The following TIGD7 variants were observed in gnomAD, a reference collection of about 807,000 sequenced individuals.
The protein encoded by TIGD7 is tigger transposable element-derived protein 7.
Under a neutral mutation model 24.8 loss-of-function variants are expected in TIGD7, and 26 were observed. That is an observed-to-expected ratio of 1.05 (90% CI 0.77 to 1.45). TIGD7 has a LOEUF of 1.45. Ranked by LOEUF, TIGD7 falls within the 40% of genes most tolerant of loss-of-function variation. The pLI is 0.00. For missense variants in TIGD7, 679 were observed against 641.6 expected (o/e 1.06, Z -0.63); for synonymous variants, 221 against 224.1 (o/e 0.99, Z 0.12).
chr16:3,298,876 C>A lies in TIGD7; in HGVS notation c.*89G>T, dbSNP rs570260139. Reference sequence around the variant, plus strand: ...TTTATAACCATTATATAAATGGGCACTGATATACAAAATAATGTCAGTTGC... The same window carrying A: ...TTTATAACCATTATATAAATGGGCAATGATATACAAAATAATGTCAGTTGC... On this transcript the variant is annotated 3_prime_UTR_variant, in exon 2 of 2. Coordinates refer to ENST00000396862, the MANE Select transcript of TIGD7 (RefSeq NM_033208.4). 77 of 460,092 alleles carry A rather than the reference C, an allele frequency of 1.7e-4. 1 individual carries two copies. In the South Asian group the frequency reaches 7.1e-3, roughly 42 times the overall value. The allele number at this position is 460,092 out of a possible 1,614,324, so 28.5% of individuals were successfully genotyped here. A position where few individuals can be genotyped will look rare whatever the true frequency, so the allele number is the denominator to read the frequency against.
In TIGD7 at chr16:3,300,028, T is replaced by C. The variant is rs571664375; in HGVS notation, c.587A>G (p.Lys196Arg). ...SMPENSQASR[K>R]DICLPGKKIN... is the part of the protein sequence containing the mutation. ...TTTCTTCCCTGGTAGGCAGATATCT[T>C]TCCTACTTGCCTGAGAATTTTCTGG... is the stretch of plus-strand genomic sequence containing the variant. Residue 196 changes from lysine to arginine, a missense_variant, in exon 2 of 2, where the codon AAA becomes AGA. Lys to Arg is a conservative substitution (Grantham distance 26). Coordinates refer to ENST00000396862, the MANE Select transcript of TIGD7 (RefSeq NM_033208.4). 497 of 1,614,206 alleles carry C rather than the reference T, an allele frequency of 3.1e-4. 3 individuals are homozygous for C. The South Asian group carries it at 5.1e-3, about 17-fold the overall frequency.
At chr16:3,303,575 T>C (rs1475080762) in intron 1 of TIGD7, among the ~76,000 whole-genome samples, 1 of 152,228 alleles carries the variant, frequency 6.6e-6, no homozygotes, top group Non-Finnish European at 1.5e-5. Context: ...GAAATGAACC[T>C]ACTTAGACAC....
chr16:3,300,203 G>A lies in TIGD7; in HGVS notation c.412C>T (p.Arg138Ter). ...AGGACTTGTTCCCCACATCCTTTTC[G>A]GTTCCCAATTGCATGCCGATTTCGA... Reference protein sequence around the residue: ...RFRNRHAIGNRKGCGEQVLSS... With the variant: ...RFRNRHAIGN The change falls in exon 2 of 2, where the codon CGA (arginine) becomes TGA (stop). Residue 138 changes from arginine to a stop codon, truncating the protein, a stop_gained. Transcript: ENST00000396862. LOFTEE classifies it high-confidence loss of function. The A allele has an allele frequency of 3.1e-6, 5 of 1,614,030 alleles. No homozygotes were observed. Among genetic ancestry groups the A allele is most frequent in the Non-Finnish European group, 4.2e-6 (5 of 1,180,022 alleles).
chr16:3,304,500 T>C (rs74003358), intron 1 of TIGD7, among the ~76,000 whole-genome samples: 9,069 of 152,238 alleles, frequency 0.06, 929 homozygotes, highest in African/African-American at 0.2. Flanking sequence ...TTTCAAGAGA[T>C]TGCTTAAGGA....
rs779214846 is a variant in TIGD7, at chr16:3,299,445, T to C, written c.1170A>G (p.Val390=). The change falls in exon 2 of 2, where the codon GTA becomes GTG. Residue 390 remains valine, a synonymous_variant. Coordinates refer to ENST00000396862, the MANE Select transcript of TIGD7 (RefSeq NM_033208.4). ...IFNWAKSWEE[V]KQITIANAWE... Reference sequence around the variant, plus strand: ...ATGCATTTGCTATGGTTATTTGTTTTACTTCTTCCCAACTTTTTGCCCAGT... The same window carrying C: ...ATGCATTTGCTATGGTTATTTGTTTCACTTCTTCCCAACTTTTTGCCCAGT... 7 of 1,560,758 alleles carry C rather than the reference T, an allele frequency of 4.5e-6. No individual in the cohort carries two copies. Among genetic ancestry groups the C allele is most frequent in the Non-Finnish European group, 6.1e-6 (7 of 1,156,220 alleles).
chr16:3,300,594 A>T lies in TIGD7; in HGVS notation c.21T>A (p.Tyr7Ter), dbSNP rs754151532. MNKRGK[Y>*]TTLNLEEKMK... ...TTTTCTCCTCCAAATTCAGTGTTGT[A>T]TATTTCCCTCTCTTATTCATACTGA... Residue 7 changes from tyrosine to a stop codon, truncating the protein, a stop_gained, in exon 2 of 2, where the codon TAT (tyrosine) becomes TAA (stop). Transcript: ENST00000396862. LOFTEE classifies it high-confidence loss of function. 2 of 1,587,346 alleles carry T rather than the reference A, an allele frequency of 1.3e-6. No homozygotes were observed. The highest frequency in any genetic ancestry group is 2.7e-5 in the African/African-American group (2 of 73,796).
chr16:3,304,456 T>C (rs1454862074), intron 1 of TIGD7, among the ~76,000 whole-genome samples: 2 of 152,206 alleles, frequency 1.3e-5, no homozygotes. Context: ...ATTCTTACCC[T>C]TGTGTTACTG....
chr16:3,301,777 T>C lies in TIGD7; in HGVS notation c.-1163A>G, dbSNP rs563701759. On this transcript the variant is annotated 5_prime_UTR_variant, in exon 2 of 2. Transcript: ENST00000396862. ...AGACTCAACTTTTCCACAGAAGAAA[T>C]CTAAAAGGTTTCTCTGCTGCTGTTT... The C allele has an allele frequency of 1.8e-5, 3 of 167,218 alleles. No individual in the cohort carries two copies. In the South Asian group the frequency reaches 6.2e-4, roughly 35 times the overall value. 10.4% of individuals were successfully genotyped at this position (167,218 alleles called of 1,614,324 possible). A position where few individuals can be genotyped will look rare whatever the true frequency, so the allele number is the denominator to read the frequency against.
At position 3,299,429 on chromosome 16, in the gene TIGD7, C is replaced by T; in HGVS notation, c.1186G>A (p.Ala396Thr). Residue 396 changes from alanine (A) to threonine (T), a missense_variant, in exon 2 of 2, where the codon GCA becomes ACA. Ala to Thr is a moderately conservative substitution (Grantham distance 58, BLOSUM62 0). Transcript: ENST00000396862. ...SWEEVKQITI[A>T]NAWENLLYKK... is the part of the protein sequence containing the mutation. ...TAAAGAAGATTTTCCCATGCATTTG[C>T]TATGGTTATTTGTTTTACTTCTTCC... 1 of 1,564,142 alleles carries T rather than the reference C, an allele frequency of 6.4e-7. No individual in the cohort carries two copies. Among genetic ancestry groups the T allele is most frequent in the Non-Finnish European group, 8.7e-7 (1 of 1,156,060 alleles).
chr16:3,304,204 A>T (rs1187360274), intron 1 of TIGD7, among the ~76,000 whole-genome samples: 1 of 152,074 alleles, frequency 6.6e-6, no homozygotes, highest in East Asian at 1.9e-4. Context: ...TGCCACATAA[A>T]CTCGTTTTCT....
Position 3,301,409 on chromosome 16 carries a change from T to C in TIGD7, c.-795A>G, listed in dbSNP as rs1396340642. On this transcript the variant is annotated 5_prime_UTR_variant, in exon 2 of 2. Coordinates refer to ENST00000396862, the MANE Select transcript of TIGD7 (RefSeq NM_033208.4). Reference sequence around the variant, plus strand: ...GTATTGTCAAGCACCGTGCTTTAACTTGAATGTCTCTTGTGTTTGCCAAGG... The same window carrying C: ...GTATTGTCAAGCACCGTGCTTTAACCTGAATGTCTCTTGTGTTTGCCAAGG... 1.2e-5 allele frequency: 2 copies of C among 167,144 alleles called. No individual in the cohort carries two copies. Among genetic ancestry groups the C allele is most frequent in the Non-Finnish European group, 2.9e-5 (2 of 68,132 alleles). 10.4% of individuals were successfully genotyped at this position (167,144 alleles called of 1,614,324 possible).
intron 1 of TIGD7, among the ~76,000 whole-genome samples, chr16:3,303,059 A>T (rs1959985382): frequency 6.6e-6 from 1 of 152,052 alleles, no homozygotes; most frequent in South Asian, 2.1e-4. Context: ...GCTGGTCTCG[A>T]ACTCCTGACC....
rs1454729264 is a variant in TIGD7, at chr16:3,299,605, C to T, written c.1010G>A (p.Ser337Asn). 1 of 1,559,820 alleles carries T rather than the reference C, an allele frequency of 6.4e-7. No homozygotes were observed. Among genetic ancestry groups the T allele is most frequent in the Non-Finnish European group, 8.6e-7 (1 of 1,159,646 alleles). ...CTTCCATCTATACAGCCGTTTGCAG[C>T]TCAAGATCACACCTTGATTCATTGG... ...IQPMNQGVIL[S>N]CKRLYRWKQL... The change falls in exon 2 of 2, where the codon AGC becomes AAC. Residue 337 changes from serine to asparagine, a missense_variant. Coordinates refer to ENST00000396862, the MANE Select transcript of TIGD7 (RefSeq NM_033208.4).
At position 3,300,714 on chromosome 16, in the gene TIGD7, G is replaced by GA; in HGVS notation, c.-101dup. ...CACATTTTTTAAACAAAACTTAGCT[G>GA]AAAGCCCCAGAAGGCATGGGCATTG... On this transcript the variant is annotated 5_prime_UTR_variant, in exon 2 of 2. It removes the in-frame stop codon of an upstream open reading frame in the 5' UTR. Coordinates refer to ENST00000396862, the MANE Select transcript of TIGD7 (RefSeq NM_033208.4). 6.8e-7 allele frequency: 1 copy of GA among 1,475,798 alleles called. No individual in the cohort carries two copies. Among genetic ancestry groups the GA allele is most frequent in the Non-Finnish European group, 9.0e-7 (1 of 1,116,178 alleles). 91.4% of individuals were successfully genotyped at this position (1,475,798 alleles called of 1,614,324 possible). A position where few individuals can be genotyped will look rare whatever the true frequency, so the allele number is the denominator to read the frequency against.
rs1206445737 is a variant in TIGD7, at chr16:3,299,228, G to T, written c.1387C>A (p.Gln463Lys). The T allele has an allele frequency of 6.2e-7, 1 of 1,607,830 alleles. No homozygotes were observed. The highest frequency in any genetic ancestry group is 8.5e-7 in the Non-Finnish European group (1 of 1,178,066). Residue 463 changes from glutamine to lysine, a missense_variant, in exon 2 of 2, where the codon CAA becomes AAA. Gln to Lys is a moderately conservative substitution (Grantham distance 53). Transcript: ENST00000396862. ...TKGGITKEVV[Q>K]KGGEAEKQTA... ...TGCTTCTCAGCTTCTCCTCCTTTTT[G>T]AACAACTTCCTTTGTTATTCCACCT...
Position 3,300,151 on chromosome 16 carries a change from G to A in TIGD7, c.464C>T (p.Pro155Leu), listed in dbSNP as rs753649522. Residue 155 changes from proline to leucine, a missense_variant, in exon 2 of 2, where the codon CCA becomes CTA. By Grantham distance (98) the Pro-to-Leu change is moderately conservative (BLOSUM62 -3). Coordinates refer to ENST00000396862, the MANE Select transcript of TIGD7 (RefSeq NM_033208.4). ...VLSSVSENVE[P>L]FRQKLSMIIK... ...TATCATGGACAGTTTTTGTCGAAATGGCTCAACATTTTCAGAAACTGAACT... is the reference window on the plus strand; with the variant it reads ...TATCATGGACAGTTTTTGTCGAAATAGCTCAACATTTTCAGAAACTGAACT... The A allele has an allele frequency of 1.2e-6, 2 of 1,614,208 alleles. 1 individual carries two copies. The highest frequency in any genetic ancestry group is 1.7e-6 in the Non-Finnish European group (2 of 1,180,034).
rs1959939310 is a variant in TIGD7 at position 3,301,535 on chromosome 16, CACTGAAACTGT to C, written c.-932_-922del. The C allele has an allele frequency of 1.8e-5, 3 of 167,028 alleles. No homozygotes were observed. The highest frequency in any genetic ancestry group is 1.3e-4 in the Admixed American group (2 of 15,284). 10.3% of individuals were successfully genotyped at this position (167,028 alleles called of 1,614,324 possible). A position where few individuals can be genotyped will look rare whatever the true frequency, so the allele number is the denominator to read the frequency against. On this transcript the variant is annotated 5_prime_UTR_variant, in exon 2 of 2. Transcript: ENST00000396862. ...TGATTTATTCTCAAGTGCTATTTTT[CACTGAAACTGT>C]TCTCTATTTGAGATATTATCAAGTT...
chr16:3,299,721 G>A lies in TIGD7; in HGVS notation c.894C>T (p.Cys298=), dbSNP rs1959878050. 3 of 1,535,618 alleles carry A rather than the reference G, an allele frequency of 2.0e-6. No homozygotes were observed. Among genetic ancestry groups the A allele is most frequent in the Non-Finnish European group, 1.7e-6 (2 of 1,146,072 alleles). ...DVRALLLLDS[C]PAHPSSESLT... is the part of the protein sequence containing the mutation. ...GGGATTCAGAGGAAGGATGAGCCGGGCAACTGTCCAGAAGTAACAATGCCC... is the reference window on the plus strand; with the variant it reads ...GGGATTCAGAGGAAGGATGAGCCGGACAACTGTCCAGAAGTAACAATGCCC... Residue 298 remains cysteine (C), a synonymous_variant, in exon 2 of 2, where the codon TGC becomes TGT. Coordinates refer to ENST00000396862, the MANE Select transcript of TIGD7 (RefSeq NM_033208.4).
intron 1 of TIGD7, among the ~76,000 whole-genome samples, chr16:3,304,189 A>G (rs764290183): frequency 6.6e-6 from 1 of 152,232 alleles, no homozygotes; most frequent in Non-Finnish European, 1.5e-5. Flanking sequence ...GGACTCCAGT[A>G]TAAGTGCCAC....
Sources: allele counts gnomAD v4.1 joint callset (sites outside exome capture counted in the v4.1 genomes callset), GRCh38; gene constraint gnomAD v4.1.1; transcripts MANE v1.5; gene names NCBI Gene and HGNC (gene_info 2026-07-23, HGNC 2026-07-21).